The following STX8 variants were observed in gnomAD, a reference collection of about 807,000 sequenced individuals.
STX8 encodes the protein syntaxin 8.
Under a neutral mutation model 37.5 loss-of-function variants are expected in STX8, and 23 were observed. The observed-to-expected ratio is 0.61, with a 90% CI of 0.44 to 0.87. The LOEUF (loss-of-function observed/expected upper bound fraction) is 0.87. Ranked by LOEUF, STX8 falls within the 40% of genes least tolerant of loss-of-function variation. The pLI, the probability that STX8 is intolerant of heterozygous loss-of-function variation, is 0.00. For missense variants in STX8, 313 were observed against 284.7 expected, an observed-to-expected ratio of 1.10 and a Z score of -0.71; for synonymous variants, 115 against 99.1, an observed-to-expected ratio of 1.16 and a Z score of -0.95.
intron 7 of STX8, among the ~76,000 whole-genome samples, chr17:9,310,956 C>G (rs1440506574): frequency 6.6e-6 from 1 of 151,854 alleles, no homozygotes; most frequent in Non-Finnish European, 1.5e-5. Context: ...GAGGAGGAGT[C>G]GGCCGGGTGC....
At chr17:9,442,590 TAG>T (rs781352391) in intron 6 of STX8, among the ~76,000 whole-genome samples, 15 of 152,188 alleles carry the variant, frequency 9.9e-5, no homozygotes, top group Non-Finnish European at 1.5e-5. Flanking sequence ...GTATTTTTTG[TAG>T]AGACGGGGTT....
chr17:9,341,858 T>A (rs1275358891), intron 7 of STX8, among the ~76,000 whole-genome samples: 1 of 151,978 alleles, frequency 6.6e-6, no homozygotes, highest in African/African-American at 2.4e-5. Context: ...GGAGAAGAAA[T>A]AACTGGTTTG....
At chr17:9,301,689 T>C (rs1908794546) in intron 7 of STX8, among the ~76,000 whole-genome samples, 1 of 151,854 alleles carries the variant, frequency 6.6e-6, no homozygotes, top group African/African-American at 2.4e-5. Flanking sequence ...AGACGGGGTT[T>C]CACCGTGGTA....
intron 7 of STX8, among the ~76,000 whole-genome samples, chr17:9,311,236 CA>C (rs1217019833): frequency 0.027 from 2,211 of 82,950 alleles, 38 homozygotes; most frequent in African/African-American, 0.069. Context: ...GACTCCGTCT[CA>C]AAAAAAAAAA....
intron 6 of STX8, among the ~76,000 whole-genome samples, chr17:9,436,300 G>A (rs546041981): frequency 1.3e-5 from 2 of 150,602 alleles, no homozygotes; most frequent in African/African-American, 2.4e-5. Flanking sequence ...AGTTGAGATC[G>A]TGCCACTGCG....
rs117068169 is a variant in STX8, at chr17:9,535,356, G to A, written c.323+9816C>T. Among the ~76,000 whole-genome samples, 6 of 149,818 alleles carry A rather than the reference G, an allele frequency of 4.0e-5. No individual in the cohort carries two copies. In the East Asian group the frequency reaches 5.9e-4, roughly 15 times the overall value. On this transcript the variant is annotated intron_variant, in intron 4 of 7. Coordinates refer to ENST00000306357, the MANE Select transcript of STX8 (RefSeq NM_004853.3). ...CACAAGTCTAGAGGGGTTCTACCCC[G>A]CTAGAAAATAACTTGTGAAATGCTA...
chr17:9,273,324 T>G (rs1000936412), intron 7 of STX8: 1 of 152,166 alleles, frequency 6.6e-6, no homozygotes, highest in Non-Finnish European at 1.5e-5. Context: ...GTCCAAAAGG[T>G]CATCTTTCTT....
At chr17:9,320,595 T>C (rs1040865496) in intron 7 of STX8, among the ~76,000 whole-genome samples, 2 of 151,836 alleles carry the variant, frequency 1.3e-5, no homozygotes, top group African/African-American at 4.8e-5. Context: ...AGGTACAGTA[T>C]AGAAATCTTC....
At chr17:9,283,988 T>G (rs191572756) in intron 7 of STX8, among the ~76,000 whole-genome samples, 1 of 152,326 alleles carries the variant, frequency 6.6e-6, no homozygotes, top group African/African-American at 2.4e-5. Flanking sequence ...CCTTTTTTAT[T>G]CTAAAGTAGG....
chr17:9,343,435 CTCTT>C (rs35665308), intron 7 of STX8, among the ~76,000 whole-genome samples: 132,266 of 151,822 alleles, frequency 0.87, 57,814 homozygotes, highest in East Asian at 1. Flanking sequence ...ACTGTTTTCT[CTCTT>C]AAAATAAACC....
intron 7 of STX8, among the ~76,000 whole-genome samples, chr17:9,307,673 A>G (rs1210253403): frequency 6.6e-6 from 1 of 152,078 alleles, no homozygotes; most frequent in Non-Finnish European, 1.5e-5. Context: ...CCCGTCAGGG[A>G]TCAGAACGCG....
At chr17:9,469,447 T>A (rs1219714676) in intron 6 of STX8, among the ~76,000 whole-genome samples, 3 of 152,162 alleles carry the variant, frequency 2.0e-5, no homozygotes. Flanking sequence ...GAGGCCTGAT[T>A]ACAGTGGTAT....
chr17:9,506,111 G>A (rs1422402986), intron 4 of STX8, among the ~76,000 whole-genome samples: 2 of 151,846 alleles, frequency 1.3e-5, no homozygotes, highest in African/African-American at 2.4e-5. Context: ...CTTTCTGCAC[G>A]AGACCAGTTG....
chr17:9,488,278 A>C (rs1328836794), intron 6 of STX8, among the ~76,000 whole-genome samples: 1 of 151,506 alleles, frequency 6.6e-6, no homozygotes, highest in Non-Finnish European at 1.5e-5. Context: ...GTGAGCCGAG[A>C]TCGCACCACT....
chr17:9,476,605 A>G (rs989417611), intron 6 of STX8, among the ~76,000 whole-genome samples: 8 of 152,088 alleles, frequency 5.3e-5, no homozygotes, highest in African/African-American at 1.4e-4. Context: ...GGCACATGCC[A>G]CCACACCCAG....
Position 9,430,376 on chromosome 17 carries a change from C to T in STX8, c.542-51723G>A, listed in dbSNP as rs529312527. On this transcript the variant is annotated intron_variant, in intron 6 of 7. Transcript: ENST00000306357. ...ACTCTAACCATTATGTAATAATTCC[C>T]CATTTCCCCCTGCCCCTAGCCTCGG... is the stretch of plus-strand genomic sequence containing the variant. 3.3e-5 allele frequency among the ~76,000 whole-genome samples: 5 copies of T among 150,290 alleles called. No individual in the cohort carries two copies. In the East Asian group the frequency reaches 9.8e-4, roughly 29 times the overall value.
intron 4 of STX8, among the ~76,000 whole-genome samples, chr17:9,532,798 C>T (rs1748210095): frequency 6.6e-6 from 1 of 151,896 alleles, no homozygotes; most frequent in African/African-American, 2.4e-5. Flanking sequence ...CCAAGAAAAA[C>T]ATGGTCACTG....
At chr17:9,490,759 GTCT>G (rs894926925) in intron 6 of STX8, among the ~76,000 whole-genome samples, 1 of 151,956 alleles carries the variant, frequency 6.6e-6, no homozygotes, top group African/African-American at 2.4e-5. Context: ...TTCCTACTTT[GTCT>G]TCTTTAGAGA....
At chr17:9,414,231 C>A (rs914738918) in intron 6 of STX8, among the ~76,000 whole-genome samples, 1 of 151,056 alleles carries the variant, frequency 6.6e-6, no homozygotes, top group Non-Finnish European at 1.5e-5. Flanking sequence ...GTGGTAGCTA[C>A]AGAATTTCCC....
Sources: gnomAD v4.1 joint callset for allele counts (sites outside exome capture counted in the v4.1 genomes callset) on GRCh38, gnomAD v4.1.1 for gene constraint, MANE v1.5 for transcripts, NCBI Gene and HGNC (gene_info 2026-07-23, HGNC 2026-07-21) for gene names.